SGCZ: variants seen among roughly 807,000 people sequenced by gnomAD.
The protein encoded by SGCZ is sarcoglycan zeta.
A neutral mutation model predicts 41.3 loss-of-function variants in SGCZ; 40 were observed. That is an observed-to-expected ratio of 0.97 (90% CI 0.75 to 1.26). SGCZ has a LOEUF of 1.26. Among genes scored for constraint, SGCZ ranks in the 50% most tolerant of loss-of-function variants. The pLI, the probability that SGCZ is intolerant of heterozygous loss-of-function variation, is 0.00. For synonymous variants in SGCZ, 206 were observed against 137.5 expected, an observed-to-expected ratio of 1.50 and a Z score of -3.49; for missense variants, 552 against 369.8, an observed-to-expected ratio of 1.49 and a Z score of -4.04.
chr8:14,397,684 G>C (rs1403751638), intron 2 of SGCZ, among the ~76,000 whole-genome samples: 1 of 152,080 alleles, frequency 6.6e-6, no homozygotes, highest in Non-Finnish European at 1.5e-5. Flanking sequence ...AGTTTCTCCT[G>C]ATTCAATATG....
intron 2 of SGCZ, among the ~76,000 whole-genome samples, chr8:14,477,665 C>A (rs373295194): frequency 6.6e-6 from 1 of 152,136 alleles, no homozygotes; most frequent in African/African-American, 2.4e-5. Context: ...AACGTTAGGT[C>A]TAACTTTCTA....
intron 1 of SGCZ, among the ~76,000 whole-genome samples, chr8:14,968,125 G>T (rs547731139): frequency 6.6e-6 from 1 of 152,234 alleles, no homozygotes; most frequent in Non-Finnish European, 1.5e-5. Context: ...TGGTTAAAAT[G>T]ATTGTTTGAC....
At chr8:14,699,231 C>T (rs946488315) in intron 1 of SGCZ, among the ~76,000 whole-genome samples, 6 of 149,262 alleles carry the variant, frequency 4.0e-5, no homozygotes, top group Admixed American at 1.3e-4. Context: ...ATATAAATCT[C>T]ATATATATAT....
intron 2 of SGCZ, among the ~76,000 whole-genome samples, chr8:14,477,336 TA>T (rs1801390483): frequency 1.3e-5 from 2 of 152,202 alleles, no homozygotes; most frequent in African/African-American, 4.8e-5. Flanking sequence ...ACTTTGGTTT[TA>T]AGTGTTTGAT....
At chr8:14,633,657 T>G (rs1255582580) in intron 1 of SGCZ, among the ~76,000 whole-genome samples, 2 of 151,864 alleles carry the variant, frequency 1.3e-5, no homozygotes, top group Non-Finnish European at 2.9e-5. Flanking sequence ...TAACAGATCT[T>G]CTTACTTATT....
At chr8:14,479,952 T>G (rs887931601) in intron 2 of SGCZ, among the ~76,000 whole-genome samples, 2 of 152,000 alleles carry the variant, frequency 1.3e-5, no homozygotes, top group Non-Finnish European at 2.9e-5. Flanking sequence ...ACCATGTTGG[T>G]CAGGCTAGTC....
chr8:14,570,944 T>C (rs1286660570), intron 1 of SGCZ, among the ~76,000 whole-genome samples: 1 of 152,208 alleles, frequency 6.6e-6, no homozygotes, highest in Non-Finnish European at 1.5e-5. Flanking sequence ...ATTTTACAGA[T>C]ATTAAATAAA....
intron 1 of SGCZ, among the ~76,000 whole-genome samples, chr8:14,955,095 T>A (rs781605627): frequency 6.6e-6 from 1 of 152,266 alleles, no homozygotes; most frequent in South Asian, 2.1e-4. Flanking sequence ...TCCTTTTTTC[T>A]TCAATAGTAA....
chr8:14,301,529 A>G (rs1051405582), intron 3 of SGCZ, among the ~76,000 whole-genome samples: 1 of 152,156 alleles, frequency 6.6e-6, no homozygotes, highest in African/African-American at 2.4e-5. Flanking sequence ...GAAAGGAACA[A>G]AATTTCAACC....
chr8:14,927,399 G>A (rs1012865648), intron 1 of SGCZ, among the ~76,000 whole-genome samples: 14 of 152,024 alleles, frequency 9.2e-5, no homozygotes, highest in East Asian at 3.9e-4. Flanking sequence ...GTGAGCCACC[G>A]CGCCCGGCCA....
chr8:14,870,777 A>G (rs1403173567), intron 1 of SGCZ, among the ~76,000 whole-genome samples: 1 of 152,194 alleles, frequency 6.6e-6, no homozygotes, highest in Non-Finnish European at 1.5e-5. Flanking sequence ...ATACGAACAG[A>G]CACTTCACAA....
At position 14,132,259 on chromosome 8, in the gene SGCZ, T is replaced by A. The variant is rs375460650; in HGVS notation, c.548-24024A>T. ...GAGCTTGGCTAGTATATGTTCTATTTCAATTATTATAATGTTAAATACCAG... is the reference window on the plus strand; with the variant it reads ...GAGCTTGGCTAGTATATGTTCTATTACAATTATTATAATGTTAAATACCAG... On this transcript the variant is annotated intron_variant, in intron 5 of 7. Coordinates refer to ENST00000382080, the MANE Select transcript of SGCZ (RefSeq NM_139167.4). Among the ~76,000 whole-genome samples, 22 of 152,332 alleles carry A rather than the reference T, an allele frequency of 1.4e-4. No individual in the cohort carries two copies. In the East Asian group the frequency reaches 3.3e-3, roughly 23 times the overall value.
At chr8:15,003,884 A>G (rs73665359) in intron 1 of SGCZ, among the ~76,000 whole-genome samples, 2,040 of 152,242 alleles carry the variant, frequency 0.013, 34 homozygotes, top group African/African-American at 0.04. Context: ...TAGAAACCCT[A>G]CCGGGGTCAA....
intron 1 of SGCZ, among the ~76,000 whole-genome samples, chr8:14,824,699 AATT>A (rs960870298): frequency 1.3e-5 from 2 of 152,072 alleles, no homozygotes; most frequent in Non-Finnish European, 2.9e-5. Flanking sequence ...AATGAGTGAT[AATT>A]AAGAAATTTC....
At chr8:14,276,110 G>T (rs544468318) in intron 3 of SGCZ, among the ~76,000 whole-genome samples, 1 of 152,158 alleles carries the variant, frequency 6.6e-6, no homozygotes, top group African/African-American at 2.4e-5. Context: ...TATGTGAAAT[G>T]ATCGCTCTAA....
chr8:15,149,686 C>T (rs79727036), intron 1 of SGCZ, among the ~76,000 whole-genome samples: 3,218 of 136,498 alleles, frequency 0.024, 71 homozygotes, highest in African/African-American at 0.063. Context: ...TCACCTTTAA[C>T]GACTGCTGGT....
chr8:14,848,260 A>C (rs921812552), intron 1 of SGCZ, among the ~76,000 whole-genome samples: 2 of 152,178 alleles, frequency 1.3e-5, no homozygotes, highest in African/African-American at 4.8e-5. Flanking sequence ...GGAAATTTCA[A>C]TATTATTTAG....
chr8:15,195,447 C>G (rs1279221416), intron 1 of SGCZ, among the ~76,000 whole-genome samples: 1 of 152,176 alleles, frequency 6.6e-6, no homozygotes, highest in Non-Finnish European at 1.5e-5. Context: ...TAGTGCTCGG[C>G]AAGCTCATTT....
intron 2 of SGCZ, among the ~76,000 whole-genome samples, chr8:14,328,213 T>G (rs1473681037): frequency 1.3e-5 from 2 of 152,252 alleles, no homozygotes; most frequent in African/African-American, 4.8e-5. Context: ...TATGAGTTGA[T>G]GAAATTTGCT....
Sources: gnomAD v4.1 joint callset for allele counts (sites outside exome capture counted in the v4.1 genomes callset) on GRCh38, gnomAD v4.1.1 for gene constraint, MANE v1.5 for transcripts, NCBI Gene and HGNC (gene_info 2026-07-23, HGNC 2026-07-21) for gene names.